The following SMAD2 variants were observed in gnomAD, a reference collection of about 807,000 sequenced individuals.
SMAD2 encodes the protein SMAD family member 2.
In SMAD2, 8 loss-of-function variants were observed where a neutral mutation model predicts 64.4. The ratio of observed to expected loss-of-function variants is 0.12; its 90% confidence interval spans 0.07 to 0.22. SMAD2 has a LOEUF of 0.22. Ranked by LOEUF, SMAD2 falls within the 10% of genes least tolerant of loss-of-function variation. SMAD2 has a pLI of 1.00. For missense variants in SMAD2, 289 were observed against 561.2 expected, an observed-to-expected ratio of 0.51 and a Z score of 4.90; for synonymous variants, 203 against 195.8, an observed-to-expected ratio of 1.04 and a Z score of -0.31.
At chr18:47,899,221 G>T (rs1271843785) in intron 1 of SMAD2, among the ~76,000 whole-genome samples, 1 of 152,084 alleles carries the variant, frequency 6.6e-6, no homozygotes, top group African/African-American at 2.4e-5. Flanking sequence ...AAGTATTTGG[G>T]GAACATAAGT....
chr18:47,910,547 C>T (rs1304132407), intron 1 of SMAD2, among the ~76,000 whole-genome samples: 1 of 152,130 alleles, frequency 6.6e-6, no homozygotes, highest in Non-Finnish European at 1.5e-5. Flanking sequence ...GCAAAAATTG[C>T]TTATTTTCAT....
chr18:47,862,210 T>C (rs2031241016), intron 6 of SMAD2, among the ~76,000 whole-genome samples: 1 of 152,242 alleles, frequency 6.6e-6, no homozygotes, highest in Admixed American at 6.5e-5. Flanking sequence ...AGTACCTGTA[T>C]ATAACTTACA....
chr18:47,832,996 G>T lies in SMAD2; in HGVS notation c.*8831C>A, dbSNP rs139866795. 1,149 of 172,804 alleles carry T rather than the reference G, an allele frequency of 6.6e-3. 8 individuals carry two copies. Among genetic ancestry groups the T allele is most frequent in the African/African-American group, 0.026 (1,075 of 42,084 alleles). The allele number at this position is 172,804 out of a possible 1,614,324, so 10.7% of individuals were successfully genotyped here. On this transcript the variant is annotated 3_prime_UTR_variant, in exon 11 of 11. Coordinates refer to ENST00000262160, the MANE Select transcript of SMAD2 (RefSeq NM_005901.6). ...ATGTGAAATACAATCACTTTTTTTG[G>T]TTTCCATATAATTTAGGGAGTGAAC...
rs1490610592 is a variant in SMAD2 at position 47,819,819 on chromosome 18, T to C, written c.*22008A>G. On this transcript the variant is annotated 3_prime_UTR_variant, in exon 11 of 11. Coordinates refer to ENST00000262160, the MANE Select transcript of SMAD2 (RefSeq NM_005901.6). ...TCAAAAAAAAAAAAAAAAAAAAGAA[T>C]TGGATGGATTATAAACGGGATAAGC... 8.9e-6 allele frequency: 1 copy of C among 112,530 alleles called. No individual in the cohort carries two copies. The highest frequency in any genetic ancestry group is 1.9e-5 in the Non-Finnish European group (1 of 52,550). The allele number at this position is 112,530 out of a possible 1,614,324, so 7.0% of individuals were successfully genotyped here.
At chr18:47,924,538 T>A (rs1598906149) in intron 1 of SMAD2, among the ~76,000 whole-genome samples, 1 of 151,614 alleles carries the variant, frequency 6.6e-6, no homozygotes, top group South Asian at 2.1e-4. Flanking sequence ...CTCGGCTAAC[T>A]GCAACCTCGG....
In SMAD2 at chr18:47,837,604, A is replaced by C. The variant is rs943185360; in HGVS notation, c.*4223T>G. 1.9e-4 allele frequency: 43 copies of C among 230,372 alleles called. No homozygotes were observed. Among genetic ancestry groups the C allele is most frequent in the African/African-American group, 9.3e-4 (42 of 45,206 alleles). 14.3% of individuals were successfully genotyped at this position (230,372 alleles called of 1,614,324 possible). Reference sequence around the variant, plus strand: ...ACAAAAAACAAGGCTAACAAGAAAGAGGATAACCAGCAAGTACCACCTGGA... The same window carrying C: ...ACAAAAAACAAGGCTAACAAGAAAGCGGATAACCAGCAAGTACCACCTGGA... On this transcript the variant is annotated 3_prime_UTR_variant, in exon 11 of 11. Coordinates refer to ENST00000262160, the MANE Select transcript of SMAD2 (RefSeq NM_005901.6).
Position 47,830,110 on chromosome 18 carries a change from T to C in SMAD2, c.*11717A>G, listed in dbSNP as rs1243228789. 6.6e-6 allele frequency: 1 copy of C among 152,244 alleles called. No homozygotes were observed. Among genetic ancestry groups the C allele is most frequent in the African/African-American group, 2.4e-5 (1 of 41,466 alleles). 9.4% of individuals were successfully genotyped at this position (152,244 alleles called of 1,614,324 possible). ...TAGAATATGTGTTTGTGATTGACGA[T>C]GTACATTTTTAAATGTGGTGATAAC... On this transcript the variant is annotated 3_prime_UTR_variant, in exon 11 of 11. Coordinates refer to ENST00000262160, the MANE Select transcript of SMAD2 (RefSeq NM_005901.6).
intron 2 of SMAD2, among the ~76,000 whole-genome samples, chr18:47,882,063 T>A (rs2032633489): frequency 7.1e-6 from 1 of 141,478 alleles, no homozygotes; most frequent in East Asian, 2.2e-4. Context: ...TTTTTTTTTT[T>A]TTTTGTGGAG....
intron 1 of SMAD2, among the ~76,000 whole-genome samples, chr18:47,929,603 T>G (rs932509892): frequency 6.6e-6 from 1 of 152,170 alleles, no homozygotes; most frequent in African/African-American, 2.4e-5. Context: ...TTTTTAAAGG[T>G]ATGGTTGACA....
chr18:47,882,738 T>G (rs763370981), intron 2 of SMAD2, among the ~76,000 whole-genome samples: 4 of 152,206 alleles, frequency 2.6e-5, no homozygotes, highest in Non-Finnish European at 5.9e-5. Flanking sequence ...AGTAAAACCA[T>G]GTGGGCCTGA....
At chr18:47,895,985 T>G (rs1208294497) in intron 2 of SMAD2, among the ~76,000 whole-genome samples, 1 of 152,204 alleles carries the variant, frequency 6.6e-6, no homozygotes, top group African/African-American at 2.4e-5. Context: ...TCAGAAAACT[T>G]CAGACTTTTA....
At chr18:47,849,536 TG>T (rs1451585233) in intron 7 of SMAD2, among the ~76,000 whole-genome samples, 1 of 151,798 alleles carries the variant, frequency 6.6e-6, no homozygotes, top group African/African-American at 2.4e-5. Flanking sequence ...TACAGGGGAT[TG>T]GTTCTAGGAC....
chr18:47,889,482 C>T (rs781056430), intron 2 of SMAD2, among the ~76,000 whole-genome samples: 51 of 152,010 alleles, frequency 3.4e-4, no homozygotes, highest in Non-Finnish European at 5.1e-4. Context: ...CCAGGTAAGA[C>T]TGGAAACAGT....
chr18:47,923,256 T>A (rs2034636051), intron 1 of SMAD2, among the ~76,000 whole-genome samples: 1 of 151,216 alleles, frequency 6.6e-6, no homozygotes, highest in Non-Finnish European at 1.5e-5. Context: ...GTACAAGTAC[T>A]CTAATTGCTC....
At chr18:47,850,274 T>C (rs1457623337) in intron 7 of SMAD2, among the ~76,000 whole-genome samples, 1 of 71,332 alleles carries the variant, frequency 1.4e-5, no homozygotes, top group Non-Finnish European at 2.3e-5. Flanking sequence ...ATATATATTA[T>C]ATATTATATA....
At chr18:47,855,457 T>C (rs1180566354) in intron 6 of SMAD2, among the ~76,000 whole-genome samples, 1 of 152,176 alleles carries the variant, frequency 6.6e-6, no homozygotes, top group African/African-American at 2.4e-5. Context: ...AAAGTGGCTA[T>C]ACCATTTTTC....
chr18:47,838,877 C>T lies in SMAD2; in HGVS notation c.*2950G>A, dbSNP rs1913679614. 1 of 232,744 alleles carries T rather than the reference C, an allele frequency of 4.3e-6. No individual in the cohort carries two copies. Among genetic ancestry groups the T allele is most frequent in the Non-Finnish European group, 8.5e-6 (1 of 117,802 alleles). 14.4% of individuals were successfully genotyped at this position (232,744 alleles called of 1,614,324 possible). ...AAGCATGGCCATTCGGTTCTCAGGT[C>T]ATCATTCCTAGAAAATTAACAGTAT... is the stretch of plus-strand genomic sequence containing the variant. On this transcript the variant is annotated 3_prime_UTR_variant, in exon 11 of 11. Transcript: ENST00000262160.
At chr18:47,849,493 A>G (rs913143851) in intron 7 of SMAD2, among the ~76,000 whole-genome samples, 7 of 31,434 alleles carry the variant, frequency 2.2e-4, no homozygotes, top group Middle Eastern at 0.012. Flanking sequence ...GTATGTATAT[A>G]TATATATATA....
At position 47,837,753 on chromosome 18, in the gene SMAD2, G is replaced by C. The variant is rs1913567791; in HGVS notation, c.*4074C>G. ...CTAAGTATCAATGCCTTCGATCAGA[G>C]TAAGAAAAAAGTATTCATTGTTCAT... On this transcript the variant is annotated 3_prime_UTR_variant, in exon 11 of 11. Coordinates refer to ENST00000262160, the MANE Select transcript of SMAD2 (RefSeq NM_005901.6). 4.3e-6 allele frequency: 1 copy of C among 232,678 alleles called. No individual in the cohort carries two copies. The highest frequency in any genetic ancestry group is 2.2e-5 in the African/African-American group (1 of 45,292). The allele number at this position is 232,678 out of a possible 1,614,324, so 14.4% of individuals were successfully genotyped here.
Sources: allele counts gnomAD v4.1 joint callset (sites outside exome capture counted in the v4.1 genomes callset), GRCh38; gene constraint gnomAD v4.1.1; transcripts MANE v1.5; gene names NCBI Gene and HGNC (gene_info 2026-07-23, HGNC 2026-07-21).